NCOA1: variants seen among roughly 807,000 people sequenced by gnomAD.
NCOA1 encodes Hin-2 protein.
NCOA1 carries 35 observed loss-of-function variants against 150.9 expected under a neutral mutation model. The observed-to-expected ratio is 0.23, with a 90% CI of 0.18 to 0.31. The LOEUF (loss-of-function observed/expected upper bound fraction) is 0.31, where lower values mean the gene tolerates loss of function less well. Among genes scored for constraint, NCOA1 ranks in the 10% least tolerant of loss-of-function variants. The pLI is 1.00. For missense variants in NCOA1, 1,491 were observed against 1,749.3 expected (o/e 0.85, Z 2.63); for synonymous variants, 590 against 630.0 (o/e 0.94, Z 0.95).
intron 1 of NCOA1, among the ~76,000 whole-genome samples, chr2:24,521,110 C>T (rs1395211226): frequency 1.3e-5 from 2 of 152,152 alleles, no homozygotes; most frequent in African/African-American, 4.8e-5. Context: ...TTTTTTCTCT[C>T]TCTCCAGCTT....
intron 13 of NCOA1, among the ~76,000 whole-genome samples, chr2:24,708,429 C>T (rs1673570562): frequency 6.6e-6 from 1 of 152,004 alleles, no homozygotes; most frequent in East Asian, 1.9e-4. Flanking sequence ...CAGAATATTG[C>T]CCTTATGTAA....
intron 1 of NCOA1, among the ~76,000 whole-genome samples, chr2:24,562,310 C>G (rs768983625): frequency 3.3e-5 from 5 of 152,138 alleles, no homozygotes; most frequent in Non-Finnish European, 7.4e-5. Flanking sequence ...GACATGAGCT[C>G]AAAGGAGCAT....
At chr2:24,653,440 CAA>C (rs1052637419) in intron 4 of NCOA1, among the ~76,000 whole-genome samples, 78 of 152,042 alleles carry the variant, frequency 5.1e-4, no homozygotes, top group African/African-American at 1.8e-3. Context: ...GAAATAATTT[CAA>C]AGATTTTAAA....
chr2:24,507,679 A>G (rs1021825430), intron 1 of NCOA1, among the ~76,000 whole-genome samples: 8 of 151,982 alleles, frequency 5.3e-5, no homozygotes, highest in Admixed American at 4.6e-4. Context: ...GTACCAGGAA[A>G]AGCTGTTTCC....
At chr2:24,729,417 T>C (rs1262408049) in intron 16 of NCOA1, 84 bp from the exon 17 acceptor site, 5 of 1,303,924 alleles carry the variant, frequency 3.8e-6, no homozygotes, top group Admixed American at 2.0e-5. Flanking sequence ...AATGAATATA[T>C]GATGGTGCTT....
intron 11 of NCOA1, among the ~76,000 whole-genome samples, chr2:24,703,390 C>T (rs1673260386): frequency 6.6e-6 from 1 of 152,178 alleles, no homozygotes; most frequent in Non-Finnish European, 1.5e-5. Flanking sequence ...TTTCTCATTT[C>T]CAAGAATGGC....
chr2:24,692,835 A>G (rs979303974), intron 9 of NCOA1, among the ~76,000 whole-genome samples: 2 of 152,178 alleles, frequency 1.3e-5, no homozygotes, highest in Non-Finnish European at 2.9e-5. Flanking sequence ...GTATTATGCA[A>G]TATTATGTCA....
At chr2:24,505,250 A>G (rs1258404756) in intron 1 of NCOA1, among the ~76,000 whole-genome samples, 1 of 151,118 alleles carries the variant, frequency 6.6e-6, no homozygotes, top group African/African-American at 2.4e-5. Context: ...GCAATGGGGC[A>G]ATCTCGGCTC....
intron 10 of NCOA1, among the ~76,000 whole-genome samples, chr2:24,697,257 A>C (rs900133997): frequency 2.0e-5 from 3 of 152,210 alleles, no homozygotes; most frequent in Non-Finnish European, 2.9e-5. Context: ...CTCTTCACTT[A>C]GTAGTTAGAA....
At chr2:24,610,915 C>T (rs1668594976) in intron 3 of NCOA1, among the ~76,000 whole-genome samples, 1 of 151,870 alleles carries the variant, frequency 6.6e-6, no homozygotes. Context: ...GGTCTATGAA[C>T]ATAGGTTTTA....
chr2:24,728,471 G>T lies in NCOA1; in HGVS notation c.2881G>T (p.Val961Phe), dbSNP rs1287006494. ...CAGAGCTCTGGGAATTGACAAACTT[G>T]TTCAGGTATTTATTAAAGTCAACAT... is the stretch of plus-strand genomic sequence containing the variant. ...LDRALGIDKL[V>F]QGGGLDVLSE... The change falls in exon 16 of 23, where the codon GTT (valine) becomes TTT (phenylalanine). Residue 961 changes from valine (V) to phenylalanine (F), a missense_variant. Transcript: ENST00000348332. 1.2e-6 allele frequency: 2 copies of T among 1,610,158 alleles called. No homozygotes were observed. Among genetic ancestry groups the T allele is most frequent in the South Asian group, 1.1e-5 (1 of 90,076 alleles).
intron 1 of NCOA1, among the ~76,000 whole-genome samples, chr2:24,517,008 A>ACGTGCGCG: frequency 1.0e-5 from 1 of 100,488 alleles, no homozygotes; most frequent in Non-Finnish European, 2.5e-5. Flanking sequence ...ACGCGCGCAC[A>ACGTGCGCG]CACACACACA....
chr2:24,574,761 G>T (rs1666883843), intron 2 of NCOA1, among the ~76,000 whole-genome samples: 2 of 151,992 alleles, frequency 1.3e-5, no homozygotes, highest in Admixed American at 1.3e-4. Flanking sequence ...TTTTAGTAGG[G>T]TACAGAATTT....
chr2:24,761,176 C>A (rs1484457225), intron 21 of NCOA1, among the ~76,000 whole-genome samples: 2 of 152,170 alleles, frequency 1.3e-5, no homozygotes, highest in Non-Finnish European at 2.9e-5. Context: ...ATCATTATTT[C>A]TTCAAATAAT....
chr2:24,613,743 CAG>C (rs1035429677), intron 3 of NCOA1, among the ~76,000 whole-genome samples: 6 of 152,022 alleles, frequency 3.9e-5, no homozygotes, highest in Non-Finnish European at 7.4e-5. Flanking sequence ...GGGAATGGGG[CAG>C]AGAGTGCCCT....
Position 24,726,573 on chromosome 2 carries a change from TTTC to T in NCOA1, c.2600-10_2600-8del. 6.4e-7 allele frequency: 1 copy of T among 1,556,412 alleles called. No homozygotes were observed. Among genetic ancestry groups the T allele is most frequent in the Non-Finnish European group, 8.8e-7 (1 of 1,132,706 alleles). On this transcript the variant is annotated splice_polypyrimidine_tract_variant and intron_variant, in intron 14 of 22. Coordinates refer to ENST00000348332, the MANE Select transcript of NCOA1 (RefSeq NM_003743.5). Reference sequence around the variant, plus strand: ...CCACTGAGATAATGACTTCTTACCTTTTCTTCTTAAATCAGGATTACCTGAGCT... The same window carrying T: ...CCACTGAGATAATGACTTCTTACCTTTTCTTAAATCAGGATTACCTGAGCT...
At chr2:24,653,145 A>G (rs895680727) in intron 4 of NCOA1, among the ~76,000 whole-genome samples, 14 of 152,170 alleles carry the variant, frequency 9.2e-5, no homozygotes, top group African/African-American at 3.4e-4. Context: ...TCCAGCTAGT[A>G]GTCTAAGGGT....
chr2:24,711,661 G>A (rs1036316690), intron 14 of NCOA1, among the ~76,000 whole-genome samples: 11 of 152,198 alleles, frequency 7.2e-5, no homozygotes, highest in Admixed American at 6.5e-5. Context: ...TTATACCACA[G>A]AATGAGTTTT....
rs557860970 is a variant in NCOA1 at position 24,770,286 on chromosome 2, A to G, written c.*1895A>G. 1 of 230,546 alleles carries G rather than the reference A, an allele frequency of 4.3e-6. No homozygotes were observed. The highest frequency in any genetic ancestry group is 1.3e-3 in the Middle Eastern group (1 of 754). The allele number at this position is 230,546 out of a possible 1,614,324, so 14.3% of individuals were successfully genotyped here. ...TGTGATATTTAGACGCGCAGACTTC[A>G]GGAAGTTCACCTTTAACTTCAGCAT... On this transcript the variant is annotated 3_prime_UTR_variant, in exon 23 of 23. Coordinates refer to ENST00000348332, the MANE Select transcript of NCOA1 (RefSeq NM_003743.5).
Sources: gnomAD v4.1 joint callset for allele counts (sites outside exome capture counted in the v4.1 genomes callset) on GRCh38, gnomAD v4.1.1 for gene constraint, MANE v1.5 for transcripts, NCBI Gene and HGNC (gene_info 2026-07-23, HGNC 2026-07-21) for gene names.